COX7B2: variants seen among roughly 807,000 people sequenced by gnomAD.
COX7B2 encodes the protein cytochrome c oxidase subunit 7B2, also known as cytochrome c oxidase subunit 7B2, mitochondrial.
For synonymous variants in COX7B2, 37 were observed against 32.1 expected, an observed-to-expected ratio of 1.15 and a Z score of -0.51; for missense variants, 109 against 95.9, an observed-to-expected ratio of 1.14 and a Z score of -0.57.
chr4:46,747,780 T>C (rs28491139), intron 2 of COX7B2, among the ~76,000 whole-genome samples: 49,786 of 152,082 alleles, frequency 0.33, 8,415 homozygotes, highest in South Asian at 0.47. Context: ...AAGCATCACA[T>C]TGGAATAAAG....
At chr4:46,827,135 C>A (rs1223751512) in intron 2 of COX7B2, among the ~76,000 whole-genome samples, 1 of 151,864 alleles carries the variant, frequency 6.6e-6, no homozygotes, top group Non-Finnish European at 1.5e-5. Context: ...ATTTATGTCA[C>A]TGGAGTTCCA....
intron 2 of COX7B2, among the ~76,000 whole-genome samples, chr4:46,799,108 T>C (rs982332054): frequency 6.6e-6 from 1 of 152,134 alleles, no homozygotes; most frequent in African/African-American, 2.4e-5. Context: ...GGTTTTCTCT[T>C]TCTTGTGTGT....
At chr4:46,806,291 C>T (rs1055895225) in intron 2 of COX7B2, among the ~76,000 whole-genome samples, 3 of 151,106 alleles carry the variant, frequency 2.0e-5, no homozygotes, top group South Asian at 2.1e-4. Context: ...ATAGGCATAA[C>T]TTAAAGCAGA....
chr4:46,781,083 T>C (rs972108818), intron 2 of COX7B2, among the ~76,000 whole-genome samples: 2 of 152,170 alleles, frequency 1.3e-5, no homozygotes, highest in Non-Finnish European at 2.9e-5. Context: ...CAGGCAGATA[T>C]GATTACCAAC....
At chr4:46,795,051 T>G (rs1173727554) in intron 2 of COX7B2, among the ~76,000 whole-genome samples, 1 of 149,102 alleles carries the variant, frequency 6.7e-6, no homozygotes, top group Non-Finnish European at 1.5e-5. Context: ...GGGTTGTTTG[T>G]TTTTTTCTTG....
intron 1 of COX7B2, among the ~76,000 whole-genome samples, chr4:46,879,633 G>C (rs1285285041): frequency 6.7e-6 from 1 of 150,134 alleles, no homozygotes; most frequent in African/African-American, 2.5e-5. Flanking sequence ...TTTTATAATT[G>C]CAAGTTTTTC....
intron 1 of COX7B2, among the ~76,000 whole-genome samples, chr4:46,907,620 A>G (rs1226122668): frequency 2.6e-5 from 4 of 152,118 alleles, no homozygotes; most frequent in Admixed American, 6.5e-5. Flanking sequence ...TGATATCCAT[A>G]TGCACCTCCT....
chr4:46,791,961 A>T (rs1232572997), intron 2 of COX7B2, among the ~76,000 whole-genome samples: 1 of 152,198 alleles, frequency 6.6e-6, no homozygotes, highest in Admixed American at 6.5e-5. Flanking sequence ...AAAATGAGAT[A>T]ACATAGGTAA....
chr4:46,749,128 T>G (rs907828683), intron 2 of COX7B2, among the ~76,000 whole-genome samples: 2 of 152,156 alleles, frequency 1.3e-5, no homozygotes, highest in Non-Finnish European at 2.9e-5. Flanking sequence ...TTCAAGTAAG[T>G]GTGTTACACT....
chr4:46,743,675 A>AT (rs1216912598), intron 2 of COX7B2, among the ~76,000 whole-genome samples: 1 of 152,116 alleles, frequency 6.6e-6, no homozygotes, highest in Non-Finnish European at 1.5e-5. Flanking sequence ...TTATTGAAGT[A>AT]TTTTTCCAAC....
At chr4:46,865,373 T>C (rs1717603298) in intron 1 of COX7B2, among the ~76,000 whole-genome samples, 2 of 152,210 alleles carry the variant, frequency 1.3e-5, no homozygotes, top group South Asian at 4.1e-4. Flanking sequence ...GCACTTAGGT[T>C]GGTTCCACAT....
In COX7B2 at chr4:46,868,375, G is replaced by A. The variant is rs1717795277; in HGVS notation, c.-104-23361C>T. Among the ~76,000 whole-genome samples the A allele has an allele frequency of 4.6e-5, 7 of 152,160 alleles. No individual in the cohort carries two copies. In the South Asian group the frequency reaches 1.5e-3, roughly 32 times the overall value. On this transcript the variant is annotated intron_variant, in intron 1 of 2. Transcript: ENST00000355591. The stretch of plus-strand genomic sequence containing the variant: ...TTTTTCTGCCTCTCGATTTCCTTCA[G>A]TTCAGCTCCAATTATTATTTCTTAT...
At chr4:46,890,187 A>T (rs1038514882) in intron 1 of COX7B2, among the ~76,000 whole-genome samples, 13 of 152,200 alleles carry the variant, frequency 8.5e-5, no homozygotes, top group Non-Finnish European at 1.9e-4. Flanking sequence ...TAAAGAGAAA[A>T]GTAAGTCTAG....
At chr4:46,792,399 G>A (rs966992924) in intron 2 of COX7B2, among the ~76,000 whole-genome samples, 1 of 152,170 alleles carries the variant, frequency 6.6e-6, no homozygotes, top group African/African-American at 2.4e-5. Flanking sequence ...ATTGAGTAAA[G>A]CACGTTGTCC....
chr4:46,859,472 A>G (rs1717211325), intron 1 of COX7B2, among the ~76,000 whole-genome samples: 1 of 152,174 alleles, frequency 6.6e-6, no homozygotes, highest in African/African-American at 2.4e-5. Context: ...TCATCTGGAA[A>G]ATGGTGCTGG....
intron 2 of COX7B2, among the ~76,000 whole-genome samples, chr4:46,757,431 AC>A (rs1715868966): frequency 6.6e-6 from 1 of 152,022 alleles, no homozygotes; most frequent in Admixed American, 6.6e-5. Context: ...CATGTAAGAA[AC>A]CTGCACTTGT....
chr4:46,839,200 C>T (rs983139843), intron 2 of COX7B2, among the ~76,000 whole-genome samples: 5 of 151,998 alleles, frequency 3.3e-5, no homozygotes, highest in African/African-American at 1.2e-4. Context: ...CTAGCCCTCC[C>T]TCATTGTGAA....
chr4:46,805,681 T>C (rs958679932), intron 2 of COX7B2, among the ~76,000 whole-genome samples: 1 of 152,202 alleles, frequency 6.6e-6, no homozygotes, highest in African/African-American at 2.4e-5. Context: ...CCCTGTTTGG[T>C]TCTTCATTCA....
intron 2 of COX7B2, among the ~76,000 whole-genome samples, chr4:46,797,446 C>T (rs1197274852): frequency 6.6e-6 from 1 of 152,174 alleles, no homozygotes; most frequent in Non-Finnish European, 1.5e-5. Flanking sequence ...AGTTATTTCT[C>T]AAGTTCTGGA....
Sources: allele counts gnomAD v4.1 joint callset (sites outside exome capture counted in the v4.1 genomes callset), GRCh38; gene constraint gnomAD v4.1.1; transcripts MANE v1.5; gene names NCBI Gene and HGNC (gene_info 2026-07-23, HGNC 2026-07-21).